MN1: variants seen among roughly 807,000 people sequenced by gnomAD.
The protein encoded by MN1 is transcriptional activator MN1.
MN1 carries 19 observed loss-of-function variants against 86.9 expected under a neutral mutation model. The observed-to-expected ratio is 0.22, with a 90% CI of 0.15 to 0.32. The LOEUF (loss-of-function observed/expected upper bound fraction) is 0.32. MN1 is among the 10% of genes least tolerant of loss of function. MN1 has a pLI of 1.00. For missense variants in MN1, 1,841 were observed against 1,862.0 expected (o/e 0.99, Z 0.21); for synonymous variants, 928 against 849.6 (o/e 1.09, Z -1.60).
intron 1 of MN1, among the ~76,000 whole-genome samples, chr22:27,761,398 T>TTC (rs150600239): frequency 3.4e-5 from 5 of 147,354 alleles, no homozygotes; most frequent in African/African-American, 1.0e-4. Context: ...CTCTCTCTCT[T>TTC]TCTCTCTCTC....
chr22:27,800,196 G>A lies in MN1; in HGVS notation c.348C>T (p.Gly116=). 6.4e-7 allele frequency: 1 copy of A among 1,555,402 alleles called. No individual in the cohort carries two copies. ...HPHQHHPHFG[G]NFGGPDPGAS... The stretch of plus-strand genomic sequence containing the variant: ...CCCCGGGGTCCGGGCCACCGAAGTT[G>A]CCCCCAAAGTGGGGGTGATGCTGGT... The change falls in exon 1 of 2, where the codon GGC becomes GGT. Residue 116 remains glycine, a synonymous_variant. Transcript: ENST00000302326.
rs563866931 is a variant in MN1 at position 27,749,867 on chromosome 22, C to T, written c.*1048G>A. On this transcript the variant is annotated 3_prime_UTR_variant, in exon 2 of 2. Transcript: ENST00000302326. ...GAATGGGAGAGGTGGAGGAGATACA[C>T]GCAGTCCCCTCCTTCTTCCCTGGGA... 8.7e-6 allele frequency: 2 copies of T among 230,508 alleles called. No homozygotes were observed. The highest frequency in any genetic ancestry group is 8.6e-6 in the Non-Finnish European group (1 of 116,358). 14.3% of individuals were successfully genotyped at this position (230,508 alleles called of 1,614,324 possible). A position where few individuals can be genotyped will look rare whatever the true frequency, so the allele number is the denominator to read the frequency against.
chr22:27,798,631 G>C lies in MN1; in HGVS notation c.1913C>G (p.Pro638Arg). Residue 638 changes from proline to arginine, a missense_variant, in exon 1 of 2, where the codon CCG (proline) becomes CGG (arginine). Physicochemically the swap from Pro to Arg is moderately radical, Grantham distance 103. Coordinates refer to ENST00000302326, the MANE Select transcript of MN1 (RefSeq NM_002430.3). Reference sequence around the variant, plus strand: ...CCTACGGGGCAGCAGGTCTCCGGGCGGCGGATGCGGACCTGAGAACCACGC... The same window carrying C: ...CCTACGGGGCAGCAGGTCTCCGGGCCGCGGATGCGGACCTGAGAACCACGC... ...ESAWFSGPHP[P>R]PGDLLPRRMG... The C allele has an allele frequency of 1.9e-6, 3 of 1,561,602 alleles. No individual in the cohort carries two copies. The highest frequency in any genetic ancestry group is 2.6e-6 in the Non-Finnish European group (3 of 1,162,386).
At chr22:27,779,408 T>A (rs1933022323) in intron 1 of MN1, among the ~76,000 whole-genome samples, 1 of 152,160 alleles carries the variant, frequency 6.6e-6, no homozygotes, top group Non-Finnish European at 1.5e-5. Context: ...TCCCGTCACC[T>A]GTGGGGAACA....
chr22:27,749,028 C>A lies in MN1; in HGVS notation c.*1887G>T, dbSNP rs978320401. 4.3e-6 allele frequency: 1 copy of A among 231,570 alleles called. No homozygotes were observed. The allele number at this position is 231,570 out of a possible 1,614,324, so 14.3% of individuals were successfully genotyped here. A position where few individuals can be genotyped will look rare whatever the true frequency, so the allele number is the denominator to read the frequency against. On this transcript the variant is annotated 3_prime_UTR_variant, in exon 2 of 2. Coordinates refer to ENST00000302326, the MANE Select transcript of MN1 (RefSeq NM_002430.3). ...TTCCTTTTGTAGCAGAACGCAGGAA[C>A]TGCCTCGGCTCACACCTTTCTCGCT...
intron 1 of MN1, among the ~76,000 whole-genome samples, chr22:27,774,314 G>A (rs1036181213): frequency 1.3e-5 from 2 of 152,174 alleles, no homozygotes; most frequent in Admixed American, 1.3e-4. Flanking sequence ...GAGCCATGAA[G>A]CAAATCTCCC....
intron 1 of MN1, among the ~76,000 whole-genome samples, chr22:27,791,388 C>T (rs1397093986): frequency 1.3e-5 from 2 of 152,000 alleles, no homozygotes; most frequent in South Asian, 4.2e-4. Flanking sequence ...CCACCCAAGA[C>T]GCGCCTAAAT....
At chr22:27,753,921 G>T (rs1381567488) in intron 1 of MN1, among the ~76,000 whole-genome samples, 4 of 152,164 alleles carry the variant, frequency 2.6e-5, no homozygotes, top group Non-Finnish European at 5.9e-5. Context: ...GGACTGGGGT[G>T]GGGTGAGGGA....
At chr22:27,788,618 TC>T (rs1246430919) in intron 1 of MN1, among the ~76,000 whole-genome samples, 1 of 151,080 alleles carries the variant, frequency 6.6e-6, no homozygotes, top group Non-Finnish European at 1.5e-5. Context: ...AAGGGTCATA[TC>T]TTTTTTTTTT....
At position 27,749,374 on chromosome 22, in the gene MN1, G is replaced by A. The variant is rs959837578; in HGVS notation, c.*1541C>T. 4 of 231,710 alleles carry A rather than the reference G, an allele frequency of 1.7e-5. No homozygotes were observed. Among genetic ancestry groups the A allele is most frequent in the Non-Finnish European group, 2.6e-5 (3 of 117,162 alleles). 14.4% of individuals were successfully genotyped at this position (231,710 alleles called of 1,614,324 possible). The stretch of plus-strand genomic sequence containing the variant: ...AAAGTGGAGCGTTTTAGTAAGACAC[G>A]CTCGTTAACAAAAACTGAAATTAAA... On this transcript the variant is annotated 3_prime_UTR_variant, in exon 2 of 2. Transcript: ENST00000302326.
chr22:27,799,872 G>T lies in MN1; in HGVS notation c.672C>A (p.Asn224Lys). 1 of 1,603,186 alleles carries T rather than the reference G, an allele frequency of 6.2e-7. No homozygotes were observed. Residue 224 changes from asparagine (N) to lysine (K), a missense_variant, in exon 1 of 2, where the codon AAC becomes AAA. Asn to Lys is a moderately conservative substitution (Grantham distance 94). Coordinates refer to ENST00000302326, the MANE Select transcript of MN1 (RefSeq NM_002430.3). ...SHSLEPRRVT[N>K]QGAVDSLEYN... ...ATTCCAGCGAGTCGACGGCTCCTTG[G>T]TTCGTCACCCTCCGTGGCTCCAGAC... is the stretch of plus-strand genomic sequence containing the variant.
At chr22:27,791,980 G>A (rs45595633) in intron 1 of MN1, 3 of 152,254 alleles carry the variant, frequency 2.0e-5, no homozygotes, top group Non-Finnish European at 2.9e-5. Flanking sequence ...TGGTCCTGCC[G>A]GACTATTTAT....
chr22:27,794,547 G>T (rs1460402596), intron 1 of MN1, among the ~76,000 whole-genome samples: 2 of 152,180 alleles, frequency 1.3e-5, no homozygotes, highest in Non-Finnish European at 2.9e-5. Flanking sequence ...CAACCCTAAA[G>T]TGACTAGCAT....
At position 27,749,254 on chromosome 22, in the gene MN1, T is replaced by C. The variant is rs2123871941; in HGVS notation, c.*1661A>G. On this transcript the variant is annotated 3_prime_UTR_variant, in exon 2 of 2. Coordinates refer to ENST00000302326, the MANE Select transcript of MN1 (RefSeq NM_002430.3). ...GAAAAGTTCTTTGAAATAAACAACG[T>C]GGGTGTTGTATGGTGAGCCCAGAGC... 4.3e-6 allele frequency: 1 copy of C among 231,208 alleles called. No individual in the cohort carries two copies. The highest frequency in any genetic ancestry group is 2.2e-5 in the African/African-American group (1 of 45,340). The allele number at this position is 231,208 out of a possible 1,614,324, so 14.3% of individuals were successfully genotyped here. A position where few individuals can be genotyped will look rare whatever the true frequency, so the allele number is the denominator to read the frequency against.
chr22:27,790,698 T>A (rs1445283056), intron 1 of MN1, among the ~76,000 whole-genome samples: 5 of 83,060 alleles, frequency 6.0e-5, no homozygotes, highest in Non-Finnish European at 9.8e-5. Context: ...GGGGGGGGAG[T>A]AAAGAAGGGG....
chr22:27,781,420 C>A (rs1245607655), intron 1 of MN1, among the ~76,000 whole-genome samples: 1 of 152,190 alleles, frequency 6.6e-6, no homozygotes. Flanking sequence ...GCAGCCACGA[C>A]AACCAAAGAT....
chr22:27,764,768 A>G (rs544346190), intron 1 of MN1, among the ~76,000 whole-genome samples: 2 of 152,318 alleles, frequency 1.3e-5, no homozygotes, highest in African/African-American at 4.8e-5. Flanking sequence ...AGTACCTATC[A>G]CATGTTCATT....
In MN1 at chr22:27,799,974, G is replaced by A; in HGVS notation, c.570C>T (p.Cys190=). 1.2e-6 allele frequency: 2 copies of A among 1,603,000 alleles called. No individual in the cohort carries two copies. The highest frequency in any genetic ancestry group is 8.5e-7 in the Non-Finnish European group (1 of 1,176,132). Reference sequence around the variant, plus strand: ...GGTTAGGGCTCTGGTCCAGCGGCAGGCATGGGGCCGGCACGGCGTGGCTGG... The same window carrying A: ...GGTTAGGGCTCTGGTCCAGCGGCAGACATGGGGCCGGCACGGCGTGGCTGG... ...GASSHAVPAP[C]LPLDQSPNRA... is the part of the protein sequence containing the mutation. The change falls in exon 1 of 2, where the codon TGC becomes TGT. Residue 190 remains cysteine, a synonymous_variant. Coordinates refer to ENST00000302326, the MANE Select transcript of MN1 (RefSeq NM_002430.3).
Position 27,799,752 on chromosome 22 carries a change from C to A in MN1, c.792G>T (p.Gln264His), listed in dbSNP as rs749069601. 6.3e-7 allele frequency: 1 copy of A among 1,590,710 alleles called. No homozygotes were observed. The highest frequency in any genetic ancestry group is 8.6e-7 in the Non-Finnish European group (1 of 1,168,630). Residue 264 changes from glutamine to histidine, a missense_variant, in exon 1 of 2, where the codon CAG becomes CAT. Transcript: ENST00000302326. ...CGCCCGGGAAAGCGCCCCCAGGAAC[C>A]TGGCGACCCGCTGCATAATGAGGCA... ...GQLPHYAAGR[Q>H]VPGGAFPGAS...
Sources: allele counts gnomAD v4.1 joint callset (sites outside exome capture counted in the v4.1 genomes callset), GRCh38; gene constraint gnomAD v4.1.1; transcripts MANE v1.5; gene names NCBI Gene and HGNC (gene_info 2026-07-23, HGNC 2026-07-21).